POU2AF1: variants seen among roughly 807,000 people sequenced by gnomAD.
POU2AF1 encodes the protein POU domain class 2-associating factor 1.
Under a neutral mutation model 26.3 loss-of-function variants are expected in POU2AF1, and 12 were observed. The observed-to-expected ratio is 0.46, with a 90% confidence interval of 0.29 to 0.74. POU2AF1 has a LOEUF of 0.74. Ranked by LOEUF, POU2AF1 falls within the 30% of genes least tolerant of loss-of-function variation. The probability of loss-of-function intolerance (pLI) is 0.09; values close to 1 mark genes in which losing one functional copy is unlikely to be tolerated. For missense variants in POU2AF1, 297 were observed against 334.5 expected (o/e 0.89, Z 0.87); for synonymous variants, 175 against 148.0 (o/e 1.18, Z -1.32).
intron 1 of POU2AF1, chr11:111,363,831 A>AC (rs1369769655): frequency 4.1e-6 from 4 of 985,204 alleles, no homozygotes; most frequent in Non-Finnish European, 4.8e-6. Flanking sequence ...AAGCTTTCTC[A>AC]CCATTAATCC....
At chr11:111,379,118 G>A in intron 1 of POU2AF1, 44 bp downstream of exon 1, 1 of 1,598,238 alleles carries the variant, frequency 6.3e-7, no homozygotes, top group Non-Finnish European at 8.5e-7. Context: ...GCCCTGCCCC[G>A]CTGGCACTCG....
chr11:111,375,809 T>A (rs1164714510), intron 1 of POU2AF1, among the ~76,000 whole-genome samples: 1 of 152,212 alleles, frequency 6.6e-6, no homozygotes, highest in African/African-American at 2.4e-5. Flanking sequence ...TATTTTAGGC[T>A]TTGTATGCTG....
chr11:111,376,500 A>T (rs1292335255), intron 1 of POU2AF1, among the ~76,000 whole-genome samples: 1 of 152,138 alleles, frequency 6.6e-6, no homozygotes, highest in African/African-American at 2.4e-5. Context: ...GGGCTTGAAG[A>T]TTTCTACTTC....
At position 111,353,356 on chromosome 11, in the gene POU2AF1, G is replaced by T; in HGVS notation, c.*905C>A. On this transcript the variant is annotated 3_prime_UTR_variant, in exon 5 of 5. Coordinates refer to ENST00000393067, the MANE Select transcript of POU2AF1 (RefSeq NM_006235.3). ...TTCCTCCTCCCTGCATCAAACTCAA[G>T]CTTCCTCCCACACCCCTCTCTCCAA... The T allele has an allele frequency of 4.3e-6, 1 of 233,950 alleles. No homozygotes were observed. The highest frequency in any genetic ancestry group is 8.4e-6 in the Non-Finnish European group (1 of 118,432). 14.5% of individuals were successfully genotyped at this position (233,950 alleles called of 1,614,324 possible).
At position 111,357,467 on chromosome 11, in the gene POU2AF1, G is replaced by C. The variant is rs1452228207; in HGVS notation, c.434C>G (p.Pro145Arg). The C allele has an allele frequency of 6.2e-7, 1 of 1,614,188 alleles. No individual in the cohort carries two copies. Among genetic ancestry groups the C allele is most frequent in the Non-Finnish European group, 8.5e-7 (1 of 1,180,034 alleles). ...GPSSVLTYASPPLITNVTTRS... is the reference protein window; with the variant it reads ...GPSSVLTYASRPLITNVTTRS... ...TACCGTGACATTGGTGATGAGTGGC[G>C]GAGAGGCATAGGTCAACACTGAGGA... The change falls in exon 4 of 5, where the codon CCG (proline) becomes CGG (arginine). Residue 145 changes from proline to arginine, a missense_variant. Pro to Arg is a moderately radical substitution (Grantham distance 103). Transcript: ENST00000393067.
intron 1 of POU2AF1, among the ~76,000 whole-genome samples, chr11:111,369,191 C>A (rs1052898888): frequency 6.6e-6 from 1 of 152,200 alleles, no homozygotes; most frequent in African/African-American, 2.4e-5. Context: ...TTTCGTACAG[C>A]AATCCTAGAC....
intron 1 of POU2AF1, chr11:111,363,473 A>C (rs2135123264): frequency 2.0e-6 from 2 of 1,010,516 alleles, no homozygotes; most frequent in Middle Eastern, 9.6e-4. Context: ...ATTCCACAGT[A>C]AACACTGAGC....
Position 111,358,797 on chromosome 11 carries a change from T to C in POU2AF1, c.138A>G (p.Ala46=). The C allele has an allele frequency of 6.3e-7, 1 of 1,596,850 alleles. No homozygotes were observed. The highest frequency in any genetic ancestry group is 8.5e-7 in the Non-Finnish European group (1 of 1,175,242). Residue 46 remains alanine (A), a synonymous_variant, in exon 2 of 5, where the codon GCA becomes GCG. Transcript: ENST00000393067. ...RGHASSGAAP[A]PTAVVLPHQP... Reference sequence around the variant, plus strand: ...ACACACAAACTCTCACCGCCGTAGGTGCAGGTGCTGCCCCACTGCTGGCGT... The same window carrying C: ...ACACACAAACTCTCACCGCCGTAGGCGCAGGTGCTGCCCCACTGCTGGCGT...
At chr11:111,358,586 TCA>T (rs566781352) in intron 2 of POU2AF1, among the ~76,000 whole-genome samples, 200 bp downstream of exon 2, 127 of 116,354 alleles carry the variant, frequency 1.1e-3, no homozygotes, top group African/African-American at 2.8e-3. Context: ...TCACACTCCC[TCA>T]CACACACATA....
chr11:111,354,525 C>T lies in POU2AF1; in HGVS notation c.507G>A (p.Glu169=). 6.4e-7 allele frequency: 1 copy of T among 1,565,390 alleles called. No individual in the cohort carries two copies. The highest frequency in any genetic ancestry group is 8.6e-7 in the Non-Finnish European group (1 of 1,160,766). ...PAVGPPLEGP[E]HQAPLTYFPW... is the part of the protein sequence containing the mutation. ...GGAAATAGGTGAGGGGTGCCTGGTG[C>T]TCTGGGCCCTCCAGCGGGGGCCCCA... Residue 169 remains glutamate (E), a synonymous_variant, in exon 5 of 5, where the codon GAG becomes GAA. Transcript: ENST00000393067.
intron 2 of POU2AF1, among the ~76,000 whole-genome samples, chr11:111,358,518 ACT>A (rs776037587): frequency 5.7e-4 from 56 of 97,930 alleles, no homozygotes; most frequent in East Asian, 2.3e-3. Context: ...ACTATCACAC[ACT>A]CACACACGCC....
chr11:111,358,109 C>A (rs1404763898), intron 2 of POU2AF1, among the ~76,000 whole-genome samples: 1 of 152,090 alleles, frequency 6.6e-6, no homozygotes, highest in African/African-American at 2.4e-5. Flanking sequence ...GCAAGTCATT[C>A]GCTCACTCAG....
At chr11:111,375,135 A>G (rs45626943) in intron 1 of POU2AF1, among the ~76,000 whole-genome samples, 3,625 of 152,308 alleles carry the variant, frequency 0.024, 64 homozygotes, top group Non-Finnish European at 0.033. Flanking sequence ...AGCCAGTCCA[A>G]AGAAAATCAG....
chr11:111,358,610 A>T (rs1036377754), intron 2 of POU2AF1, among the ~76,000 whole-genome samples, 178 bp downstream of exon 2: 22 of 96,550 alleles, frequency 2.3e-4, no homozygotes, highest in African/African-American at 6.9e-4. Context: ...ACTCTCACAC[A>T]CTGACGCAGA....
At chr11:111,358,595 CAT>C (rs1401701831) in intron 2 of POU2AF1, among the ~76,000 whole-genome samples, 191 bp downstream of exon 2, 35 of 102,438 alleles carry the variant, frequency 3.4e-4, no homozygotes, top group Non-Finnish European at 6.4e-4. Flanking sequence ...CTCACACACA[CAT>C]ACACTCTCAC....
chr11:111,358,442 TCACA>T (rs767955256), intron 2 of POU2AF1, among the ~76,000 whole-genome samples: 5 of 46,822 alleles, frequency 1.1e-4, no homozygotes, highest in African/African-American at 3.5e-4. Context: ...ACACTCACTC[TCACA>T]CACACACACT....
At position 111,353,025 on chromosome 11, in the gene POU2AF1, G is replaced by GGAAA; in HGVS notation, c.*1235_*1236insTTTC. The GGAAA allele has an allele frequency of 7.3e-6, 1 of 136,598 alleles. No individual in the cohort carries two copies. The highest frequency in any genetic ancestry group is 1.5e-5 in the Non-Finnish European group (1 of 68,110). 8.5% of individuals were successfully genotyped at this position (136,598 alleles called of 1,614,324 possible). ...AGGAAGGAAGGAAGGAAGGAAGGAA[G>GGAAA]GAAGGAAGGAAGGAAGGAAGGAAGG... On this transcript the variant is annotated 3_prime_UTR_variant, in exon 5 of 5. Transcript: ENST00000393067.
In POU2AF1 at chr11:111,353,949, G is replaced by C; in HGVS notation, c.*312C>G. 3.0e-6 allele frequency: 1 copy of C among 330,934 alleles called. No individual in the cohort carries two copies. The highest frequency in any genetic ancestry group is 5.5e-6 in the Non-Finnish European group (1 of 183,268). 20.5% of individuals were successfully genotyped at this position (330,934 alleles called of 1,614,324 possible). Reference sequence around the variant, plus strand: ...AGAAGGGAAGGAGGGAAGGAAGGGAGGGAGGAAAAGGAAGGAAGGGGTTGG... The same window carrying C: ...AGAAGGGAAGGAGGGAAGGAAGGGACGGAGGAAAAGGAAGGAAGGGGTTGG... On this transcript the variant is annotated 3_prime_UTR_variant, in exon 5 of 5. Coordinates refer to ENST00000393067, the MANE Select transcript of POU2AF1 (RefSeq NM_006235.3).
intron 1 of POU2AF1, among the ~76,000 whole-genome samples, chr11:111,368,912 C>A (rs578124488): frequency 4.7e-4 from 72 of 152,250 alleles, no homozygotes; most frequent in Non-Finnish European, 8.8e-4. Flanking sequence ...TTGATCTCAG[C>A]CAACAATCCA....
Sources: gnomAD v4.1 joint callset for allele counts (sites outside exome capture counted in the v4.1 genomes callset) on GRCh38, gnomAD v4.1.1 for gene constraint, MANE v1.5 for transcripts, NCBI Gene and HGNC (gene_info 2026-07-23, HGNC 2026-07-21) for gene names.